The following SYNDIG1L variants were observed in gnomAD, a reference collection of about 807,000 sequenced individuals.
The protein encoded by SYNDIG1L is synapse differentiation inducing 1 like, also known as synapse differentiation-inducing gene protein 1-like.
Under a neutral mutation model 20.1 loss-of-function variants are expected in SYNDIG1L, and 13 were observed. The ratio of observed to expected loss-of-function variants is 0.65; its 90% confidence interval spans 0.42 to 1.03. The LOEUF (loss-of-function observed/expected upper bound fraction) is 1.03, where lower values mean the gene tolerates loss of function less well. Among genes scored for constraint, SYNDIG1L ranks in the 50% least tolerant of loss-of-function variants. SYNDIG1L has a pLI of 0.00. For missense variants in SYNDIG1L, 294 were observed against 305.1 expected (o/e 0.96, Z 0.27); for synonymous variants, 128 against 129.3 (o/e 0.99, Z 0.07).
chr14:74,429,208 C>T (rs762011009), upstream of SYNDIG1L, among the ~76,000 whole-genome samples: 26 of 152,280 alleles, frequency 1.7e-4, no homozygotes, highest in Non-Finnish European at 3.4e-4. Flanking sequence ...CAAGCATCCT[C>T]GCTGGGACTA....
intron 1 of SYNDIG1L, among the ~76,000 whole-genome samples, chr14:74,411,380 A>G (rs558025853): frequency 9.7e-4 from 148 of 152,228 alleles, no homozygotes; most frequent in Non-Finnish European, 1.1e-3. Context: ...GGCGTCACCC[A>G]CTTGGGGCCA....
At chr14:74,431,265 G>A in the SYNDIG1L span, among the ~76,000 whole-genome samples, 6 of 152,142 alleles carry the variant, frequency 3.9e-5, no homozygotes, top group South Asian at 1.2e-3. Context: ...GTAAGGTAGG[G>A]TGTGTTTGCC....
At chr14:74,441,027 C>T in the SYNDIG1L span, among the ~76,000 whole-genome samples, 1 of 152,066 alleles carries the variant, frequency 6.6e-6, no homozygotes, top group Admixed American at 6.6e-5. Context: ...ACTGTATAAA[C>T]AAGAAAAGAT....
At chr14:74,464,727 G>A in the SYNDIG1L span, among the ~76,000 whole-genome samples, 938 of 152,162 alleles carry the variant, frequency 6.2e-3, 5 homozygotes, top group Non-Finnish European at 0.011. Flanking sequence ...CTGTCCCTCG[G>A]TTTCCTCCTC....
rs1430069309 is a variant in SYNDIG1L, at chr14:74,406,973, A to T, written c.*562T>A. The T allele has an allele frequency of 1.9e-5, 3 of 157,424 alleles. No individual in the cohort carries two copies. Among genetic ancestry groups the T allele is most frequent in the Non-Finnish European group, 4.2e-5 (3 of 70,938 alleles). The allele number at this position is 157,424 out of a possible 1,614,324, so 9.8% of individuals were successfully genotyped here. A position where few individuals can be genotyped will look rare whatever the true frequency, so the allele number is the denominator to read the frequency against. ...GCAGAGATAAGCACCCTCTAGAATCAGAGACAGCAAGAGGCCCCCTTGCCT... is the reference window on the plus strand; with the variant it reads ...GCAGAGATAAGCACCCTCTAGAATCTGAGACAGCAAGAGGCCCCCTTGCCT... On this transcript the variant is annotated 3_prime_UTR_variant, in exon 4 of 4. Coordinates refer to ENST00000331628, the MANE Select transcript of SYNDIG1L (RefSeq NM_001105579.2).
In SYNDIG1L at chr14:74,407,466, G is replaced by T; in HGVS notation, c.*69C>A. Reference sequence around the variant, plus strand: ...TTCAGGGGCCGGGCCTTTCCATAGGGTCTGCAACTCCAAGCCCCACTGCTT... The same window carrying T: ...TTCAGGGGCCGGGCCTTTCCATAGGTTCTGCAACTCCAAGCCCCACTGCTT... On this transcript the variant is annotated 3_prime_UTR_variant, in exon 4 of 4. Coordinates refer to ENST00000331628, the MANE Select transcript of SYNDIG1L (RefSeq NM_001105579.2). 6.3e-7 allele frequency: 1 copy of T among 1,598,826 alleles called. No individual in the cohort carries two copies. Among genetic ancestry groups the T allele is most frequent in the African/African-American group, 1.3e-5 (1 of 74,908 alleles).
At chr14:74,434,368 C>T in the SYNDIG1L span, among the ~76,000 whole-genome samples, 20 of 152,112 alleles carry the variant, frequency 1.3e-4, no homozygotes, top group South Asian at 4.2e-3. Context: ...TGACCTCTAC[C>T]CCTGGCCTGC....
At chr14:74,423,085 T>A (rs2086236855) in intron 1 of SYNDIG1L, among the ~76,000 whole-genome samples, 1 of 151,860 alleles carries the variant, frequency 6.6e-6, no homozygotes, top group Non-Finnish European at 1.5e-5. Flanking sequence ...TCATGTGCCA[T>A]ATGCCAGGGT....
intron 1 of SYNDIG1L, among the ~76,000 whole-genome samples, chr14:74,420,893 G>C (rs1375347746): frequency 6.6e-6 from 1 of 152,170 alleles, no homozygotes; most frequent in Non-Finnish European, 1.5e-5. Flanking sequence ...ATTCAGAAGA[G>C]AGGCCTACTG....
rs556692062 is a variant in SYNDIG1L, at chr14:74,411,359, C to T, written c.-57-1558G>A. On this transcript the variant is annotated intron_variant, in intron 1 of 3. Transcript: ENST00000331628. ...GGCTGCTGCCGCCCTGACTTCTGGG[C>T]TTCAGACTTTGGCGTCACCCACTTG... Among the ~76,000 whole-genome samples the T allele has an allele frequency of 2.2e-3, 334 of 152,250 alleles. 1 individual carries two copies. The highest frequency in any genetic ancestry group is 5.4e-3 in the African/African-American group (224 of 41,546).
At chr14:74,422,654 C>CACACACACACACACAT (rs1491093899) in intron 1 of SYNDIG1L, among the ~76,000 whole-genome samples, 1 of 34,810 alleles carries the variant, frequency 2.9e-5, no homozygotes, top group Non-Finnish European at 5.1e-5. Flanking sequence ...TCTCTCTCTT[C>CACACACACACACACAT]ACACACACAC....
At chr14:74,459,331 C>A in the SYNDIG1L span, among the ~76,000 whole-genome samples, 7 of 152,094 alleles carry the variant, frequency 4.6e-5, no homozygotes, top group African/African-American at 1.7e-4. Context: ...ATGGCGAAAC[C>A]CTGTCTCTAT....
At chr14:74,477,998 G>A in the SYNDIG1L span, among the ~76,000 whole-genome samples, 1 of 152,154 alleles carries the variant, frequency 6.6e-6, no homozygotes, top group South Asian at 2.1e-4. Context: ...ATGTAGCCCC[G>A]CGATGGCTGG....
At chr14:74,452,674 T>A in the SYNDIG1L span, among the ~76,000 whole-genome samples, 2 of 152,218 alleles carry the variant, frequency 1.3e-5, no homozygotes, top group Admixed American at 6.5e-5. Context: ...GAAAACAGTT[T>A]GTCCATTTCT....
chr14:74,418,782 A>G (rs2086198059), intron 1 of SYNDIG1L, among the ~76,000 whole-genome samples: 1 of 152,194 alleles, frequency 6.6e-6, no homozygotes, highest in Admixed American at 6.5e-5. Context: ...TCATCGATGG[A>G]AGCTGCTGAG....
Position 74,409,500 on chromosome 14 carries a change from G to A in SYNDIG1L, c.245C>T (p.Pro82Leu). The part of the protein sequence containing the change: ...CLLGRDKVKE[P>L]RAGSCETSFT... The stretch of plus-strand genomic sequence containing the variant: ...GCTTGTCTCACAGCTGCCTGCCCTG[G>A]GCTCCTTGACCTTGTCTCTCCCCAG... Residue 82 changes from proline (P) to leucine (L), a missense_variant, in exon 2 of 4, where the codon CCC (proline) becomes CTC (leucine). Physicochemically the swap from Pro to Leu is moderately conservative, Grantham distance 98 (BLOSUM62 -3). Coordinates refer to ENST00000331628, the MANE Select transcript of SYNDIG1L (RefSeq NM_001105579.2). 1.9e-6 allele frequency: 3 copies of A among 1,611,662 alleles called. No homozygotes were observed. The highest frequency in any genetic ancestry group is 1.7e-6 in the Non-Finnish European group (2 of 1,178,988).
At chr14:74,432,285 G>A in the SYNDIG1L span, among the ~76,000 whole-genome samples, 11 of 152,212 alleles carry the variant, frequency 7.2e-5, 1 homozygote, top group East Asian at 2.1e-3. Context: ...GGTCCCAGCA[G>A]CAAGCAGTGC....
rs970707451 is a variant in SYNDIG1L, at chr14:74,407,180, A to C, written c.*355T>G. 2 of 291,608 alleles carry C rather than the reference A, an allele frequency of 6.9e-6. No individual in the cohort carries two copies. The highest frequency in any genetic ancestry group is 1.3e-5 in the Non-Finnish European group (2 of 154,392). 18.1% of individuals were successfully genotyped at this position (291,608 alleles called of 1,614,324 possible). A position where few individuals can be genotyped will look rare whatever the true frequency, so the allele number is the denominator to read the frequency against. On this transcript the variant is annotated 3_prime_UTR_variant, in exon 4 of 4. Coordinates refer to ENST00000331628, the MANE Select transcript of SYNDIG1L (RefSeq NM_001105579.2). ...AACCTCCTGCTCTTTCTCTGTGGGGAGGTTGGCAGGGTAGGTGGTGGGCTG... is the reference window on the plus strand; with the variant it reads ...AACCTCCTGCTCTTTCTCTGTGGGGCGGTTGGCAGGGTAGGTGGTGGGCTG...
chr14:74,409,794 C>A lies in SYNDIG1L; in HGVS notation c.-50G>T, dbSNP rs1480636367. The A allele has an allele frequency of 7.1e-7, 1 of 1,405,066 alleles. No individual in the cohort carries two copies. 87.0% of individuals were successfully genotyped at this position (1,405,066 alleles called of 1,614,324 possible). ...GGGGGCCTGGGCCAGCTGAGCAGTC[C>A]TCAGAGCCTGTCAGAAGAGCAAGAC... On this transcript the variant is annotated 5_prime_UTR_variant, in exon 2 of 4. The change creates a new upstream start codon in the 5' untranslated region. Transcript: ENST00000331628.
Sources: gnomAD v4.1 joint callset for allele counts (sites outside exome capture counted in the v4.1 genomes callset) on GRCh38, gnomAD v4.1.1 for gene constraint, MANE v1.5 for transcripts, NCBI Gene and HGNC (gene_info 2026-07-23, HGNC 2026-07-21) for gene names.